Variants in LTF observed in about 807,000 individuals in gnomAD.
LTF encodes epididymis luminal protein 110.
LTF carries 91 observed loss-of-function variants against 87.2 expected under a neutral mutation model. The ratio of observed to expected loss-of-function variants is 1.04; its 90% CI spans 0.88 to 1.24. The LOEUF (loss-of-function observed/expected upper bound fraction) is 1.24, where lower values mean the gene tolerates loss of function less well. Ranked by LOEUF, LTF falls within the 50% of genes most tolerant of loss-of-function variation. LTF has a pLI of 0.00. For synonymous variants in LTF, 378 were observed against 356.1 expected (o/e 1.06, Z -0.69); for missense variants, 901 against 904.3 (o/e 1.00, Z 0.05).
intron 14 of LTF, among the ~76,000 whole-genome samples, chr3:46,440,477 G>A (rs1037096420): frequency 6.6e-6 from 1 of 152,220 alleles, no homozygotes; most frequent in Non-Finnish European, 1.5e-5. Context: ...TTAATGGCTT[G>A]TAAATTCTAA....
intron 14 of LTF, among the ~76,000 whole-genome samples, chr3:46,440,976 G>A (rs1702501934): frequency 6.6e-6 from 1 of 152,232 alleles, no homozygotes; most frequent in Admixed American, 6.5e-5. Context: ...CTCACATGGG[G>A]ATGAATGAAG....
intron 1 of LTF, among the ~76,000 whole-genome samples, chr3:46,474,099 A>G (rs2106921334): frequency 6.6e-6 from 1 of 152,382 alleles, no homozygotes; most frequent in African/African-American, 2.4e-5. Flanking sequence ...TGGTAGGCTT[A>G]ACACTAACAT....
chr3:46,473,370 C>T (rs1011155834), intron 1 of LTF, among the ~76,000 whole-genome samples: 1 of 152,194 alleles, frequency 6.6e-6, no homozygotes, highest in Non-Finnish European at 1.5e-5. Context: ...CTAGAAGTTC[C>T]ACCAGCGCCT....
chr3:46,474,792 A>C (rs556505138), intron 1 of LTF, among the ~76,000 whole-genome samples: 60 of 152,348 alleles, frequency 3.9e-4, no homozygotes, highest in African/African-American at 1.4e-3. Context: ...ATCACTAGCA[A>C]AAAGATAGCA....
chr3:46,465,226 C>T (rs1703185526), upstream of LTF: 3 of 328,774 alleles, frequency 9.1e-6, no homozygotes, highest in South Asian at 1.0e-4. Context: ...GGACACAGAG[C>T]AGAGGGTCTT....
At chr3:46,474,299 C>T (rs1308030023) in intron 1 of LTF, among the ~76,000 whole-genome samples, 1 of 152,004 alleles carries the variant, frequency 6.6e-6, no homozygotes, top group Non-Finnish European at 1.5e-5. Flanking sequence ...AAAAAGAAAG[C>T]AGGAAGAGCT....
In LTF at chr3:46,449,009, C is replaced by T; in HGVS notation, c.1066G>A (p.Glu356Lys). The stretch of plus-strand genomic sequence containing the variant: ...ACCCGCGCACGCCGGGCAGCCACTT[C>T]CTCCTCACCTGCCAGAGGGAAGACC... ...AIQNLRKSEE[E>K]VAARRARVVW... Residue 356 changes from glutamate to lysine, a missense_variant, in exon 9 of 17, where the codon GAA becomes AAA. By Grantham distance (56) the Glu-to-Lys change is moderately conservative. Coordinates refer to ENST00000231751, the MANE Select transcript of LTF (RefSeq NM_002343.6). 1 of 1,607,492 alleles carries T rather than the reference C, an allele frequency of 6.2e-7. No homozygotes were observed.
chr3:46,448,803 T>A, intron 9 of LTF, 60 bp downstream of exon 9: 1 of 1,581,674 alleles, frequency 6.3e-7, no homozygotes, highest in Non-Finnish European at 8.6e-7. Context: ...TTTAAGCAGA[T>A]GCCCAGGCCC....
At chr3:46,469,876 C>A (rs1047601148), upstream of LTF, among the ~76,000 whole-genome samples, 9 of 152,210 alleles carry the variant, frequency 5.9e-5, no homozygotes, top group Admixed American at 1.3e-4. Flanking sequence ...CGTATTGTTG[C>A]CAAATGTTGC....
rs1702568713 is a variant in LTF, at chr3:46,443,371, G to C, written c.1655+70C>G. The C allele has an allele frequency of 4.4e-6, 7 of 1,574,474 alleles. No individual in the cohort carries two copies. In the Admixed American group the frequency reaches 1.2e-4, roughly 26 times the overall value. On this transcript the variant is annotated intron_variant, in intron 13 of 16. Coordinates refer to ENST00000231751, the MANE Select transcript of LTF (RefSeq NM_002343.6). ...GTGACAGGTCACATCTGGCTCCTTAGAACTGCAATGCTGACATGCTGAGGG... is the reference window on the plus strand; with the variant it reads ...GTGACAGGTCACATCTGGCTCCTTACAACTGCAATGCTGACATGCTGAGGG...
chr3:46,465,130 T>G (rs1696692835), upstream of LTF: 3 of 541,580 alleles, frequency 5.5e-6, no homozygotes, highest in Non-Finnish European at 6.5e-6. Context: ...GCGATGTTCT[T>G]TCTCTCCCAC....
chr3:46,442,048 T>C (rs1702536961), intron 13 of LTF: 1 of 152,142 alleles, frequency 6.6e-6, no homozygotes, highest in Admixed American at 6.6e-5. Flanking sequence ...GATAGTGATG[T>C]GTTTTTTTAA....
Position 46,436,108 on chromosome 3 carries a change from G to T in LTF, c.*87C>A. 1 of 1,319,908 alleles carries T rather than the reference G, an allele frequency of 7.6e-7. No individual in the cohort carries two copies. Among genetic ancestry groups the T allele is most frequent in the African/African-American group, 1.4e-5 (1 of 69,100 alleles). 81.8% of individuals were successfully genotyped at this position (1,319,908 alleles called of 1,614,324 possible). A position where few individuals can be genotyped will look rare whatever the true frequency, so the allele number is the denominator to read the frequency against. ...GCAATCCCCACCTTCAGCAGGGGAG[G>T]CCAAGGCCCCAACACACCTGGGGAG... On this transcript the variant is annotated 3_prime_UTR_variant, in exon 17 of 17. Coordinates refer to ENST00000231751, the MANE Select transcript of LTF (RefSeq NM_002343.6).
chr3:46,455,392 G>A lies in LTF; in HGVS notation c.550C>T (p.Gln184Ter). The A allele has an allele frequency of 6.2e-7, 1 of 1,614,250 alleles. No homozygotes were observed. Among genetic ancestry groups the A allele is most frequent in the East Asian group, 2.2e-5 (1 of 44,890 alleles). ...ASCVPGADKG[Q>*]FPNLCRLCAG... The stretch of plus-strand genomic sequence containing the variant: ...CACAGGCGACACAGGTTGGGGAACT[G>A]TCCTTTATCTGCACCGGGAACACAG... Residue 184 changes from glutamine to a stop codon, truncating the protein, a stop_gained, in exon 5 of 17, where the codon CAG becomes TAG. Transcript: ENST00000231751. LOFTEE classifies it high-confidence loss of function.
Position 46,456,408 on chromosome 3 carries a change from A to AAG in LTF, c.208-12_208-11dup, listed in dbSNP as rs564178555. The AAG allele has an allele frequency of 5.8e-5, 94 of 1,610,918 alleles. No individual in the cohort carries two copies. In the African/African-American group the frequency reaches 1.2e-3, roughly 21 times the overall value. ...CATCGGCCCTGTTTTCCTGAAAGTA[A>AAG]AGAGGCCAGACTGGCTTCAGCAGAA... On this transcript the variant is annotated splice_polypyrimidine_tract_variant and intron_variant, in intron 2 of 16. Transcript: ENST00000231751.
chr3:46,439,194 A>T lies in LTF; in HGVS notation c.1908+102T>A, dbSNP rs55710126. 2,202 of 1,106,494 alleles carry T rather than the reference A, an allele frequency of 2.0e-3. 3 individuals are homozygous for T. The highest frequency in any genetic ancestry group is 2.6e-3 in the Non-Finnish European group (1,971 of 763,236). The allele number at this position is 1,106,494 out of a possible 1,614,324, so 68.5% of individuals were successfully genotyped here. On this transcript the variant is annotated intron_variant, in intron 15 of 16. Coordinates refer to ENST00000231751, the MANE Select transcript of LTF (RefSeq NM_002343.6). ...TCTCACCATGAGCTTCAAGTAGAGG[A>T]CTAGAGAGGATCGAGTGGGCTGGTG...
intron 2 of LTF, among the ~76,000 whole-genome samples, chr3:46,456,807 G>A (rs533533188): frequency 1.2e-4 from 19 of 152,224 alleles, no homozygotes; most frequent in Admixed American, 5.9e-4. Context: ...ATGTTCCTCC[G>A]CTTCAGCACA....
Position 46,455,301 on chromosome 3 carries a change from G to C in LTF, c.641C>G (p.Ala214Gly). The C allele has an allele frequency of 6.2e-7, 1 of 1,614,208 alleles. No individual in the cohort carries two copies. The highest frequency in any genetic ancestry group is 1.1e-5 in the South Asian group (1 of 91,090). ...AGGGGACAGGGTCACTCACTTGAAGGCACCAGAGTAGCTGAAGTACGGTTC... is the reference window on the plus strand; with the variant it reads ...AGGGGACAGGGTCACTCACTTGAAGCCACCAGAGTAGCTGAAGTACGGTTC... The part of the protein sequence containing the change: ...SQEPYFSYSG[A>G]FKCLRDGAGD... The change falls in exon 5 of 17, where the codon GCC (alanine) becomes GGC (glycine). Residue 214 changes from alanine to glycine, a missense_variant. Physicochemically the swap from Ala to Gly is moderately conservative, Grantham distance 60 (BLOSUM62 0). Transcript: ENST00000231751.
intron 1 of LTF, among the ~76,000 whole-genome samples, chr3:46,462,642 T>C (rs767023367): frequency 1.9e-4 from 29 of 152,080 alleles, no homozygotes; most frequent in Non-Finnish European, 4.1e-4. Context: ...GAGGTCTTAT[T>C]CAGGATGCAG....
Sources: allele counts gnomAD v4.1 joint callset (sites outside exome capture counted in the v4.1 genomes callset), GRCh38; gene constraint gnomAD v4.1.1; transcripts MANE v1.5; gene names NCBI Gene and HGNC (gene_info 2026-07-23, HGNC 2026-07-21).